DIAPH3: variants seen among roughly 807,000 people sequenced by gnomAD.
The protein encoded by DIAPH3 is diaphanous related formin 3, also known as protein diaphanous homolog 3.
A neutral mutation model predicts 144.3 loss-of-function variants in DIAPH3; 117 were observed. The ratio of observed to expected loss-of-function variants is 0.81; its 90% confidence interval spans 0.70 to 0.95. DIAPH3 has a LOEUF of 0.95. DIAPH3 is among the 40% of genes least tolerant of loss of function. DIAPH3 has a pLI of 0.00. For synonymous variants in DIAPH3, 519 were observed against 488.9 expected (o/e 1.06, Z -0.81); for missense variants, 1,421 against 1,412.7 (o/e 1.01, Z -0.09).
At chr13:60,135,771 C>A (rs990402176) in intron 1 of DIAPH3, among the ~76,000 whole-genome samples, 2 of 152,158 alleles carry the variant, frequency 1.3e-5, no homozygotes, top group African/African-American at 4.8e-5. Context: ...GTTATGTACA[C>A]ACATGCAATC....
At chr13:59,947,179 G>A (rs1229648072) in intron 17 of DIAPH3, among the ~76,000 whole-genome samples, 2 of 152,056 alleles carry the variant, frequency 1.3e-5, no homozygotes, top group Non-Finnish European at 1.5e-5. Context: ...ATAATAACTC[G>A]CTGATAATTG....
chr13:59,945,588 A>G (rs1395644036), intron 17 of DIAPH3, among the ~76,000 whole-genome samples: 1 of 149,236 alleles, frequency 6.7e-6, no homozygotes, highest in African/African-American at 2.5e-5. Flanking sequence ...TTGAGGGAAT[A>G]TGACTTGTAT....
intron 20 of DIAPH3, among the ~76,000 whole-genome samples, chr13:59,910,596 T>C (rs926680975): frequency 2.0e-5 from 3 of 151,812 alleles, no homozygotes; most frequent in African/African-American, 7.3e-5. Flanking sequence ...GAGTGTAGTG[T>C]TGGCCACCTA....
rs113223029 is a variant in DIAPH3 at position 59,857,681 on chromosome 13, C to T, written c.2737+3726G>A. On this transcript the variant is annotated intron_variant, in intron 22 of 27. Coordinates refer to ENST00000400324, the MANE Select transcript of DIAPH3 (RefSeq NM_001042517.2). ...CTAAAGTATAAGAATTCCTGGAAAA[C>T]GTATGAATTTATCCTTAAATAAAGA... Among the ~76,000 whole-genome samples the T allele has an allele frequency of 1.2e-3, 182 of 152,192 alleles. 1 individual carries two copies. The highest frequency in any genetic ancestry group is 4.3e-3 in the African/African-American group (177 of 41,528).
intron 2 of DIAPH3, among the ~76,000 whole-genome samples, chr13:60,124,678 C>T (rs1189911585): frequency 6.6e-6 from 1 of 151,860 alleles, no homozygotes. Flanking sequence ...CATGGAGAAA[C>T]CCCATCGCTA....
At chr13:59,808,704 A>G (rs961301141) in intron 25 of DIAPH3, among the ~76,000 whole-genome samples, 2 of 152,168 alleles carry the variant, frequency 1.3e-5, no homozygotes, top group African/African-American at 4.8e-5. Flanking sequence ...AGTGGAATCA[A>G]TCATATATAT....
chr13:59,772,827 A>G (rs1413753222), intron 27 of DIAPH3, among the ~76,000 whole-genome samples: 2 of 152,094 alleles, frequency 1.3e-5, no homozygotes, highest in Non-Finnish European at 2.9e-5. Flanking sequence ...GTTACTATTA[A>G]TAATAAAAAA....
At position 59,872,197 on chromosome 13, in the gene DIAPH3, T is replaced by G. The variant is rs191252209; in HGVS notation, c.2607+7032A>C. Among the ~76,000 whole-genome samples the G allele has an allele frequency of 3.5e-3, 540 of 152,326 alleles. 3 individuals carry two copies. The highest frequency in any genetic ancestry group is 0.012 in the African/African-American group (506 of 41,572). On this transcript the variant is annotated intron_variant, in intron 21 of 27. Coordinates refer to ENST00000400324, the MANE Select transcript of DIAPH3 (RefSeq NM_001042517.2). Reference sequence around the variant, plus strand: ...TTTAGATCTTTCTTATTTTCTAATATAGGCACTTGATGCTATAAATTTCCC... The same window carrying G: ...TTTAGATCTTTCTTATTTTCTAATAGAGGCACTTGATGCTATAAATTTCCC...
rs762306571 is a variant in DIAPH3 at position 59,983,863 on chromosome 13, A to T, written c.1386T>A (p.Asp462Glu). 5.0e-6 allele frequency: 8 copies of T among 1,607,996 alleles called. No homozygotes were observed. Among genetic ancestry groups the T allele is most frequent in the Non-Finnish European group, 6.8e-6 (8 of 1,175,570 alleles). ...GCAATACAATCTGGGATACACACTC[A>T]TCAATTAATTTGAAGTATTGTTGCC... ...FIRQQYFKLI[D>E]ECVSQIVLHR... Residue 462 changes from aspartate (D) to glutamate (E), a missense_variant, in exon 13 of 28, where the codon GAT (aspartate) becomes GAA (glutamate). Transcript: ENST00000400324.
intron 27 of DIAPH3, among the ~76,000 whole-genome samples, chr13:59,742,948 G>A (rs1482632472): frequency 1.3e-5 from 2 of 152,146 alleles, no homozygotes; most frequent in African/African-American, 4.8e-5. Flanking sequence ...AAATAAAGAG[G>A]CAACATTCCT....
intron 2 of DIAPH3, among the ~76,000 whole-genome samples, chr13:60,120,529 G>C (rs1277176512): frequency 2.0e-5 from 3 of 152,088 alleles, no homozygotes; most frequent in Non-Finnish European, 4.4e-5. Flanking sequence ...AAAAATACTT[G>C]ATTATCTACT....
At chr13:60,003,881 CT>C (rs1407627808) in intron 9 of DIAPH3, among the ~76,000 whole-genome samples, 5 of 152,054 alleles carry the variant, frequency 3.3e-5, no homozygotes, top group African/African-American at 1.2e-4. Context: ...CGCACGGCCC[CT>C]GATAATATTC....
At chr13:60,064,586 G>C (rs2056887037) in intron 4 of DIAPH3, among the ~76,000 whole-genome samples, 1 of 152,186 alleles carries the variant, frequency 6.6e-6, no homozygotes. Context: ...CCTTGCTCTG[G>C]AATAGGCTCT....
chr13:59,916,055 T>C, intron 19 of DIAPH3, 100 bp downstream of exon 19: 1 of 990,322 alleles, frequency 1.0e-6, no homozygotes, highest in Non-Finnish European at 1.6e-6. Context: ...ATTTTCCAGT[T>C]GAATGATTTG....
In DIAPH3 at chr13:59,983,895, CAAAGA is replaced by C. The variant is rs1283905453; in HGVS notation, c.1362-13_1362-9del. On this transcript the variant is annotated splice_polypyrimidine_tract_variant and intron_variant, in intron 12 of 27. Coordinates refer to ENST00000400324, the MANE Select transcript of DIAPH3 (RefSeq NM_001042517.2). ...AATTTGAAGTATTGTTGCCTAAAACCAAAGAAAAGAGTAAATGTACAATTGATAAT... is the reference window on the plus strand; with the variant it reads ...AATTTGAAGTATTGTTGCCTAAAACCAAAGAGTAAATGTACAATTGATAAT... The C allele has an allele frequency of 1.3e-6, 2 of 1,537,962 alleles. No individual in the cohort carries two copies. Among genetic ancestry groups the C allele is most frequent in the Non-Finnish European group, 1.8e-6 (2 of 1,112,782 alleles).
chr13:60,076,884 G>T (rs1188732606), intron 4 of DIAPH3, among the ~76,000 whole-genome samples: 1 of 151,976 alleles, frequency 6.6e-6, no homozygotes, highest in Non-Finnish European at 1.5e-5. Flanking sequence ...GCATTAAAAT[G>T]ATATCTGAAT....
intron 25 of DIAPH3, among the ~76,000 whole-genome samples, chr13:59,806,411 C>A (rs998529710): frequency 9.9e-5 from 15 of 151,902 alleles, no homozygotes; most frequent in Admixed American, 2.0e-4. Context: ...GCTTATAAGC[C>A]TGGTTATCCA....
At chr13:60,014,342 TA>T (rs2053484874) in intron 7 of DIAPH3, among the ~76,000 whole-genome samples, 1 of 152,154 alleles carries the variant, frequency 6.6e-6, no homozygotes, top group Admixed American at 6.5e-5. Context: ...AACAGATATG[TA>T]AAAAGCTACC....
At chr13:60,047,050 A>G (rs868750054) in intron 4 of DIAPH3, among the ~76,000 whole-genome samples, 4 of 152,126 alleles carry the variant, frequency 2.6e-5, no homozygotes, top group South Asian at 2.1e-4. Flanking sequence ...GGTGCAGCAA[A>G]TCACCATGGC....
Sources: gnomAD v4.1 joint callset for allele counts (sites outside exome capture counted in the v4.1 genomes callset) on GRCh38, gnomAD v4.1.1 for gene constraint, MANE v1.5 for transcripts, NCBI Gene and HGNC (gene_info 2026-07-23, HGNC 2026-07-21) for gene names.